The following BRINP1 variants were observed in gnomAD, a reference collection of about 807,000 sequenced individuals.
BRINP1 encodes the protein BMP/retinoic acid-inducible neural-specific protein 1.
A neutral mutation model predicts 72.9 loss-of-function variants in BRINP1; 17 were observed. The ratio of observed to expected loss-of-function variants is 0.23; its 90% CI spans 0.16 to 0.35. The LOEUF (loss-of-function observed/expected upper bound fraction) is 0.35. Among genes scored for constraint, BRINP1 ranks in the 10% least tolerant of loss-of-function variants. The probability of loss-of-function intolerance (pLI) is 1.00; values close to 1 mark genes in which losing one functional copy is unlikely to be tolerated. For synonymous variants in BRINP1, 418 were observed against 378.5 expected, an observed-to-expected ratio of 1.10 and a Z score of -1.21; for missense variants, 850 against 1,001.6, an observed-to-expected ratio of 0.85 and a Z score of 2.04.
chr9:119,343,458 A>G (rs760174497), intron 1 of BRINP1, among the ~76,000 whole-genome samples: 7 of 151,996 alleles, frequency 4.6e-5, no homozygotes, highest in Admixed American at 6.6e-5. Flanking sequence ...CTTTCACTAC[A>G]CTTACATTTC....
chr9:119,358,557 G>A (rs1296519095), intron 1 of BRINP1, among the ~76,000 whole-genome samples: 1 of 152,134 alleles, frequency 6.6e-6, no homozygotes, highest in Non-Finnish European at 1.5e-5. Flanking sequence ...AGCCGGGCAT[G>A]GCGGCGTGTG....
At chr9:119,200,972 C>T (rs569410619) in intron 7 of BRINP1, among the ~76,000 whole-genome samples, 5 of 152,272 alleles carry the variant, frequency 3.3e-5, no homozygotes, top group South Asian at 4.1e-4. Context: ...GCAGAACTGT[C>T]CTGTCACTGA....
intron 1 of BRINP1, among the ~76,000 whole-genome samples, chr9:119,366,121 G>C (rs1010267953): frequency 2.0e-5 from 3 of 151,978 alleles, no homozygotes; most frequent in Non-Finnish European, 4.4e-5. Flanking sequence ...TGGTGTGGAG[G>C]TTCTCTTTTT....
intron 2 of BRINP1, 127 bp from the exon 3 acceptor site, chr9:119,249,277 A>G (rs1830353728): frequency 1.2e-6 from 1 of 802,776 alleles, no homozygotes; most frequent in African/African-American, 1.7e-5. Flanking sequence ...ATATGTGTCA[A>G]GTGATGCTTT....
chr9:119,369,428 T>C lies in BRINP1; in HGVS notation c.-423A>G. Reference sequence around the variant, plus strand: ...CCGTGGGGTCCGGGAGCGAGGCGGCTGGCGAATGGAGAGGGAAGTCCAAGT... The same window carrying C: ...CCGTGGGGTCCGGGAGCGAGGCGGCCGGCGAATGGAGAGGGAAGTCCAAGT... On this transcript the variant is annotated 5_prime_UTR_variant, in exon 1 of 8. Coordinates refer to ENST00000265922, the MANE Select transcript of BRINP1 (RefSeq NM_014618.3). 2.6e-6 allele frequency: 1 copy of C among 392,010 alleles called. No homozygotes were observed. Among genetic ancestry groups the C allele is most frequent in the Non-Finnish European group, 4.5e-6 (1 of 222,362 alleles). 24.3% of individuals were successfully genotyped at this position (392,010 alleles called of 1,614,324 possible).
chr9:119,216,352 G>A (rs1258067281), intron 5 of BRINP1, among the ~76,000 whole-genome samples: 2 of 152,186 alleles, frequency 1.3e-5, no homozygotes, highest in African/African-American at 4.8e-5. Context: ...TGAACAACGG[G>A]CTGCTGTGAG....
chr9:119,315,622 C>G (rs1183560769), intron 1 of BRINP1, among the ~76,000 whole-genome samples: 1 of 152,090 alleles, frequency 6.6e-6, no homozygotes, highest in Non-Finnish European at 1.5e-5. Flanking sequence ...CACTTTAAAT[C>G]AAAAGCTAGA....
At chr9:119,205,781 T>A (rs1359466137) in intron 7 of BRINP1, among the ~76,000 whole-genome samples, 25 of 152,162 alleles carry the variant, frequency 1.6e-4, no homozygotes, top group Admixed American at 1.6e-3. Context: ...GACCTTTGGA[T>A]CTTACTCTCC....
chr9:119,332,448 CATG>C (rs1831308823), intron 1 of BRINP1, among the ~76,000 whole-genome samples: 1 of 152,142 alleles, frequency 6.6e-6, no homozygotes, highest in African/African-American at 2.4e-5. Context: ...GGCACTCTGT[CATG>C]TACTTTTTAG....
chr9:119,277,642 T>C (rs1288740728), intron 2 of BRINP1, among the ~76,000 whole-genome samples: 1 of 152,208 alleles, frequency 6.6e-6, no homozygotes, highest in Non-Finnish European at 1.5e-5. Flanking sequence ...CCCGATTAAG[T>C]AGTGCAGATG....
intron 1 of BRINP1, among the ~76,000 whole-genome samples, chr9:119,364,523 A>G (rs568373749): frequency 6.6e-6 from 1 of 152,318 alleles, no homozygotes; most frequent in South Asian, 2.1e-4. Context: ...AGAGCTCATA[A>G]TAACTCCCAG....
intron 1 of BRINP1, among the ~76,000 whole-genome samples, chr9:119,326,020 A>G (rs906347629): frequency 6.6e-6 from 1 of 152,202 alleles, no homozygotes; most frequent in African/African-American, 2.4e-5. Context: ...GTAAGAGTGA[A>G]TGAAAGATTA....
intron 7 of BRINP1, among the ~76,000 whole-genome samples, chr9:119,187,532 A>G (rs1484302566): frequency 5.9e-5 from 9 of 151,684 alleles, no homozygotes; most frequent in African/African-American, 1.5e-4. Flanking sequence ...ACCTTACCCA[A>G]CTGACACCAT....
intron 2 of BRINP1, among the ~76,000 whole-genome samples, chr9:119,249,818 G>GGAA (rs1830359407): frequency 2.3e-5 from 1 of 42,720 alleles, no homozygotes; most frequent in Non-Finnish European, 5.2e-5. Context: ...AAGGAAGGAA[G>GGAA]GAAGGAAGGA....
intron 1 of BRINP1, among the ~76,000 whole-genome samples, chr9:119,332,215 A>G (rs578016811): frequency 1.3e-5 from 2 of 152,324 alleles, no homozygotes; most frequent in African/African-American, 2.4e-5. Flanking sequence ...GTGTTGCTAG[A>G]TTCAGGAACT....
chr9:119,281,306 A>G (rs1046611574), intron 2 of BRINP1, among the ~76,000 whole-genome samples: 1 of 152,130 alleles, frequency 6.6e-6, no homozygotes, highest in African/African-American at 2.4e-5. Flanking sequence ...CCTGGTTGCA[A>G]TCTGCAATCA....
intron 2 of BRINP1, among the ~76,000 whole-genome samples, chr9:119,283,689 C>A (rs1222362013): frequency 1.3e-5 from 2 of 152,156 alleles, no homozygotes; most frequent in Admixed American, 1.3e-4. Flanking sequence ...TGGGCCACCA[C>A]AACCGGCTAA....
chr9:119,257,656 T>A (rs997934798), intron 2 of BRINP1, among the ~76,000 whole-genome samples: 2 of 152,162 alleles, frequency 1.3e-5, no homozygotes, highest in Non-Finnish European at 2.9e-5. Flanking sequence ...CTGCTATTGT[T>A]AGCAGCAAAT....
At chr9:119,220,340 A>G (rs1830027537) in intron 5 of BRINP1, among the ~76,000 whole-genome samples, 1 of 152,152 alleles carries the variant, frequency 6.6e-6, no homozygotes, top group South Asian at 2.1e-4. Flanking sequence ...GGATCAACTG[A>G]CCATGCTCTG....
Sources: gnomAD v4.1 joint callset for allele counts (sites outside exome capture counted in the v4.1 genomes callset) on GRCh38, gnomAD v4.1.1 for gene constraint, MANE v1.5 for transcripts, NCBI Gene and HGNC (gene_info 2026-07-23, HGNC 2026-07-21) for gene names.